ARPP21: variants seen among roughly 807,000 people sequenced by gnomAD.
The protein encoded by ARPP21 is cAMP-regulated phosphoprotein 21.
A neutral mutation model predicts 113.2 loss-of-function variants in ARPP21; 69 were observed. The observed-to-expected ratio is 0.61, with a 90% confidence interval of 0.50 to 0.74. The LOEUF (loss-of-function observed/expected upper bound fraction) is 0.74. Among genes scored for constraint, ARPP21 ranks in the 30% least tolerant of loss-of-function variants. The pLI is 0.00. For synonymous variants in ARPP21, 368 were observed against 375.5 expected (o/e 0.98, Z 0.23); for missense variants, 1,070 against 1,037.4 (o/e 1.03, Z -0.43).
intron 13 of ARPP21, among the ~76,000 whole-genome samples, chr3:35,718,039 TTTAATGTG>T (rs1373638781): frequency 6.6e-6 from 1 of 152,148 alleles, no homozygotes; most frequent in Non-Finnish European, 1.5e-5. Context: ...AATACATATA[TTTAATGTG>T]TTAATGTGTT....
chr3:35,682,052 G>A (rs752941728), intron 3 of ARPP21, among the ~76,000 whole-genome samples, 172 bp downstream of exon 3: 13 of 151,640 alleles, frequency 8.6e-5, no homozygotes, highest in East Asian at 3.9e-4. Context: ...TAACCCAACC[G>A]TGCTCTAAAA....
chr3:35,758,235 G>A (rs1434127486), intron 19 of ARPP21, among the ~76,000 whole-genome samples: 1 of 151,918 alleles, frequency 6.6e-6, no homozygotes. Flanking sequence ...ATTTCTCCAT[G>A]CAGTCCTTGC....
chr3:35,715,328 C>G, intron 11 of ARPP21, 111 bp from the exon 12 acceptor site: 1 of 832,960 alleles, frequency 1.2e-6, no homozygotes, highest in South Asian at 1.5e-5. Context: ...ACCTATTTTT[C>G]TTAATTCTTT....
rs140282293 is a variant in ARPP21, at chr3:35,697,753, C to G, written c.686+6748C>G. On this transcript the variant is annotated intron_variant, in intron 9 of 20. Transcript: ENST00000684406. ...AAATGGGAATCCTCGGTGTTTGGCCCTTAAGCATTTCACTCCCTGCAGGTG... is the reference window on the plus strand; with the variant it reads ...AAATGGGAATCCTCGGTGTTTGGCCGTTAAGCATTTCACTCCCTGCAGGTG... Among the ~76,000 whole-genome samples, 662 of 151,694 alleles carry G rather than the reference C, an allele frequency of 4.4e-3. 7 individuals carry two copies. The highest frequency in any genetic ancestry group is 0.015 in the African/African-American group (620 of 41,454).
rs1403722319 is a variant in ARPP21, at chr3:35,793,922, A to G, written c.2508A>G (p.Ala836=). 2 of 1,613,986 alleles carry G rather than the reference A, an allele frequency of 1.2e-6. No individual in the cohort carries two copies. The highest frequency in any genetic ancestry group is 1.7e-6 in the Non-Finnish European group (2 of 1,179,962). Residue 836 remains alanine (A), a synonymous_variant, in exon 21 of 21, where the codon GCA becomes GCG. Coordinates refer to ENST00000684406, the MANE Select transcript of ARPP21 (RefSeq NM_001385562.1). ...VMSASCRTNC[A]SMSNAGWQVK... ...CAGCTAGCTGCAGAACAAACTGTGC[A>G]AGTATGAGCAATGCTGGTTGGCAGG...
At chr3:35,774,040 C>T (rs1175923927) in intron 19 of ARPP21, among the ~76,000 whole-genome samples, 1 of 152,142 alleles carries the variant, frequency 6.6e-6, no homozygotes, top group African/African-American at 2.4e-5. Flanking sequence ...CTTCACTGCT[C>T]AGTTAAGTGT....
intron 5 of ARPP21, among the ~76,000 whole-genome samples, chr3:35,686,449 G>A (rs189628155): frequency 6.9e-4 from 104 of 151,716 alleles, no homozygotes; most frequent in East Asian, 2.7e-3. Context: ...TTTATATTGC[G>A]TGACATTATA....
At chr3:35,754,819 A>G (rs4678804) in intron 19 of ARPP21, among the ~76,000 whole-genome samples, 43,566 of 151,848 alleles carry the variant, frequency 0.29, 6,779 homozygotes, top group African/African-American at 0.41. Flanking sequence ...TTTGTTATGC[A>G]GTTAAGAACT....
chr3:35,721,091 T>C (rs779474251), intron 13 of ARPP21, among the ~76,000 whole-genome samples: 2 of 152,246 alleles, frequency 1.3e-5, no homozygotes, highest in Admixed American at 6.5e-5. Flanking sequence ...ATTTCAGATG[T>C]GTATCTCATA....
rs138398652 is a variant in ARPP21 at position 35,729,404 on chromosome 3, C to T, written c.1327C>T (p.Pro443Ser). ...AGTCTCAGGTGTGGCAGCTGGCTCT[C>T]CAGGCTGTGTGCCTTATCCAGAGAA... ...PLVSGVAAGS[P>S]GCVPYPENGI... The change falls in exon 15 of 21, where the codon CCA (proline) becomes TCA (serine). Residue 443 changes from proline to serine, a missense_variant. Transcript: ENST00000684406. 1.2e-6 allele frequency: 2 copies of T among 1,614,038 alleles called. No homozygotes were observed. Among genetic ancestry groups the T allele is most frequent in the Admixed American group, 3.3e-5 (2 of 60,006 alleles).
chr3:35,703,143 G>A (rs1288213071), intron 9 of ARPP21, among the ~76,000 whole-genome samples: 1 of 151,814 alleles, frequency 6.6e-6, no homozygotes. Flanking sequence ...GAAGGATTAA[G>A]GTTAACTATT....
chr3:35,673,348 C>T (rs1575661096), intron 1 of ARPP21, among the ~76,000 whole-genome samples: 2 of 152,058 alleles, frequency 1.3e-5, no homozygotes, highest in Non-Finnish European at 2.9e-5. Flanking sequence ...TGAGGACTTG[C>T]CCCCTTTCAT....
At chr3:35,682,133 A>C (rs1285273096) in intron 3 of ARPP21, among the ~76,000 whole-genome samples, 1 of 151,818 alleles carries the variant, frequency 6.6e-6, no homozygotes, top group African/African-American at 2.4e-5. Context: ...TCCCCTTACC[A>C]ATTTCCAGAA....
At position 35,715,459 on chromosome 3, in the gene ARPP21, C is replaced by A. The variant is rs763439655; in HGVS notation, c.918C>A (p.Ser306Arg). 1.9e-6 allele frequency: 3 copies of A among 1,612,916 alleles called. No individual in the cohort carries two copies. Among genetic ancestry groups the A allele is most frequent in the South Asian group, 1.1e-5 (1 of 90,980 alleles). Residue 306 changes from serine (S) to arginine (R), a missense_variant, in exon 12 of 21, where the codon AGC (serine) becomes AGA (arginine). Transcript: ENST00000684406. ...FAHDSVCSQE[S>R]LFVENSRLLE... is the part of the protein sequence containing the mutation. ...TTCAGTCAGTTTGCTCCCAGGAAAG[C>A]CTTTTTGTGGAAAACAGGTAAAATA...
chr3:35,690,831 T>C (rs2082042856), intron 8 of ARPP21, 34 bp from the exon 9 acceptor site: 2 of 1,574,236 alleles, frequency 1.3e-6, no homozygotes, highest in South Asian at 1.2e-5. Context: ...AAAATGAAAA[T>C]GCTGATTCCA....
rs752329536 is a variant in ARPP21 at position 35,744,570 on chromosome 3, T to C, written c.2137+605T>C. On this transcript the variant is annotated intron_variant, in intron 19 of 20. Transcript: ENST00000684406. ...TTTCCCTACTGTGTCACACTCCTAATGGAATGCCGTTATCCAAAGAGCAGC... is the reference window on the plus strand; with the variant it reads ...TTTCCCTACTGTGTCACACTCCTAACGGAATGCCGTTATCCAAAGAGCAGC... 1.2e-5 allele frequency: 6 copies of C among 517,540 alleles called. No individual in the cohort carries two copies. The East Asian group carries it at 3.5e-4, about 30-fold the overall frequency. 32.1% of individuals were successfully genotyped at this position (517,540 alleles called of 1,614,324 possible).
At chr3:35,693,547 G>T (rs1230167145) in intron 9 of ARPP21, among the ~76,000 whole-genome samples, 3 of 151,612 alleles carry the variant, frequency 2.0e-5, no homozygotes, top group Non-Finnish European at 3.0e-5. Flanking sequence ...ATCATTGTCA[G>T]CAATTTTAGT....
chr3:35,744,271 A>C (rs1311802122), intron 19 of ARPP21, among the ~76,000 whole-genome samples: 1 of 152,030 alleles, frequency 6.6e-6, no homozygotes, highest in Non-Finnish European at 1.5e-5. Context: ...ACCTTCTTTT[A>C]ATTTTTTTTT....
At chr3:35,790,808 T>C (rs557791641) in intron 19 of ARPP21, among the ~76,000 whole-genome samples, 2 of 152,318 alleles carry the variant, frequency 1.3e-5, no homozygotes, top group South Asian at 4.2e-4. Flanking sequence ...TGTGGTGTCT[T>C]TACAATAATT....
Sources: allele counts gnomAD v4.1 joint callset (sites outside exome capture counted in the v4.1 genomes callset), GRCh38; gene constraint gnomAD v4.1.1; transcripts MANE v1.5; gene names NCBI Gene and HGNC (gene_info 2026-07-23, HGNC 2026-07-21).